TMEM132C: variants seen among roughly 807,000 people sequenced by gnomAD.
TMEM132C encodes the protein transmembrane protein 132C.
Under a neutral mutation model 61.4 loss-of-function variants are expected in TMEM132C, and 29 were observed. The ratio of observed to expected loss-of-function variants is 0.47; its 90% CI spans 0.35 to 0.64. The LOEUF is 0.64. Among genes scored for constraint, TMEM132C ranks in the 30% least tolerant of loss-of-function variants. TMEM132C has a pLI of 0.00. For missense variants in TMEM132C, 1,408 were observed against 1,476.9 expected, an observed-to-expected ratio of 0.95 and a Z score of 0.76; for synonymous variants, 656 against 633.1, an observed-to-expected ratio of 1.04 and a Z score of -0.54.
chr12:128,403,204 GA>G (rs1875229151), intron 1 of TMEM132C, among the ~76,000 whole-genome samples: 1 of 152,184 alleles, frequency 6.6e-6, no homozygotes, highest in African/African-American at 2.4e-5. Flanking sequence ...TGTGTCTGGG[GA>G]ATGTTAATAA....
intron 5 of TMEM132C, among the ~76,000 whole-genome samples, chr12:128,692,478 A>C (rs1954727299): frequency 6.6e-6 from 1 of 152,222 alleles, no homozygotes; most frequent in Non-Finnish European, 1.5e-5. Context: ...AACAGGGGTC[A>C]TATTGTTTCT....
At chr12:128,627,244 A>T (rs942916880) in intron 4 of TMEM132C, among the ~76,000 whole-genome samples, 1 of 152,110 alleles carries the variant, frequency 6.6e-6, no homozygotes, top group African/African-American at 2.4e-5. Flanking sequence ...TCATTGTCTG[A>T]CATTATCTTC....
chr12:128,358,593 G>T (rs1210894635), intron 1 of TMEM132C, among the ~76,000 whole-genome samples: 1 of 151,600 alleles, frequency 6.6e-6, no homozygotes, highest in African/African-American at 2.4e-5. Context: ...GGAGCTAAGT[G>T]TCTTGGCCAC....
chr12:128,619,435 A>T (rs1380762725), intron 4 of TMEM132C, among the ~76,000 whole-genome samples: 1 of 151,276 alleles, frequency 6.6e-6, no homozygotes, highest in Non-Finnish European at 1.5e-5. Context: ...CGTGCTCTCG[A>T]CTCTCCCCAG....
chr12:128,693,789 A>G (rs765862853), intron 5 of TMEM132C, 40 bp from the exon 6 acceptor site: 29 of 1,548,840 alleles, frequency 1.9e-5, no homozygotes, highest in South Asian at 9.5e-5. Flanking sequence ...CCAAGGCTCC[A>G]TGAACTTCTC....
chr12:128,454,849 C>A (rs1188147629), intron 2 of TMEM132C, among the ~76,000 whole-genome samples: 1 of 152,194 alleles, frequency 6.6e-6, no homozygotes, highest in Non-Finnish European at 1.5e-5. Flanking sequence ...TCTCACCTGC[C>A]CTGGTCCTGA....
intron 1 of TMEM132C, among the ~76,000 whole-genome samples, chr12:128,322,189 G>A (rs1872358185): frequency 6.6e-6 from 1 of 152,216 alleles, no homozygotes; most frequent in Admixed American, 6.5e-5. Flanking sequence ...CTTGCCCTTG[G>A]AACCCAGCCA....
chr12:128,329,660 G>A (rs566470847), intron 1 of TMEM132C, among the ~76,000 whole-genome samples: 2 of 152,218 alleles, frequency 1.3e-5, no homozygotes, highest in South Asian at 2.1e-4. Flanking sequence ...AGGTCTGGCC[G>A]TGCTGCACCT....
At chr12:128,699,030 G>A (rs536139742) in intron 8 of TMEM132C, among the ~76,000 whole-genome samples, 1 of 152,296 alleles carries the variant, frequency 6.6e-6, no homozygotes, top group East Asian at 1.9e-4. Context: ...AGGGGGGATT[G>A]GAACGTTCCA....
At chr12:128,527,147 C>T (rs61024822) in intron 2 of TMEM132C, among the ~76,000 whole-genome samples, 2,744 of 152,244 alleles carry the variant, frequency 0.018, 84 homozygotes, top group African/African-American at 0.063. Context: ...ATTCAGGGAA[C>T]TTTGTGCAAG....
chr12:128,394,088 C>T (rs1011015916), intron 1 of TMEM132C, among the ~76,000 whole-genome samples: 2 of 152,132 alleles, frequency 1.3e-5, no homozygotes, highest in Non-Finnish European at 2.9e-5. Flanking sequence ...GCCTCACAAT[C>T]GTGGGGGAAG....
In TMEM132C at chr12:128,449,136, C is replaced by CAAAAAA. The variant is rs141298455; in HGVS notation, c.974+33535_974+33540dup. On this transcript the variant is annotated intron_variant, in intron 2 of 8. Coordinates refer to ENST00000435159, the MANE Select transcript of TMEM132C (RefSeq NM_001136103.3). ...TGGGAGGCAGAGCGAGACTCTGTCT[C>CAAAAAA]AAAAAAAAAAAAAAAAAAAAAAAAG... 3.1e-3 allele frequency among the ~76,000 whole-genome samples: 158 copies of CAAAAAA among 50,718 alleles called. 3 individuals are homozygous for CAAAAAA. Among genetic ancestry groups the CAAAAAA allele is most frequent in the Non-Finnish European group, 5.4e-3 (124 of 23,122 alleles). The allele number at this position is 50,718 out of a possible 152,430, so 33.3% of individuals were successfully genotyped here. A position where few individuals can be genotyped will look rare whatever the true frequency, so the allele number is the denominator to read the frequency against.
At chr12:128,475,030 A>G (rs981949262) in intron 2 of TMEM132C, among the ~76,000 whole-genome samples, 3 of 152,140 alleles carry the variant, frequency 2.0e-5, no homozygotes, top group African/African-American at 7.2e-5. Flanking sequence ...CCGAGGCTAC[A>G]TGTGGAAGGG....
intron 2 of TMEM132C, among the ~76,000 whole-genome samples, chr12:128,425,391 C>T (rs1289459284): frequency 6.6e-6 from 1 of 152,196 alleles, no homozygotes; most frequent in Non-Finnish European, 1.5e-5. Context: ...CATGCCAGAA[C>T]CCAAGAACAT....
At chr12:128,582,823 G>A (rs1266651171) in intron 3 of TMEM132C, among the ~76,000 whole-genome samples, 4 of 152,126 alleles carry the variant, frequency 2.6e-5, no homozygotes, top group Admixed American at 2.6e-4. Context: ...ACCCAGGCTG[G>A]AGTGCAGTAG....
At chr12:128,690,426 G>A (rs1954711138) in intron 5 of TMEM132C, among the ~76,000 whole-genome samples, 1 of 152,148 alleles carries the variant, frequency 6.6e-6, no homozygotes, top group Non-Finnish European at 1.5e-5. Context: ...AGACATTTAT[G>A]ACACCTTCAG....
At chr12:128,444,634 C>A (rs1311844698) in intron 2 of TMEM132C, among the ~76,000 whole-genome samples, 1 of 152,206 alleles carries the variant, frequency 6.6e-6, no homozygotes, top group Non-Finnish European at 1.5e-5. Context: ...CAAGTCGGGC[C>A]ACATTCAGGC....
At chr12:128,529,953 AATG>A (rs2136134611) in intron 2 of TMEM132C, among the ~76,000 whole-genome samples, 1 of 152,262 alleles carries the variant, frequency 6.6e-6, no homozygotes, top group East Asian at 1.9e-4. Context: ...ATAATGGCAA[AATG>A]ATGATATTTT....
At chr12:128,537,338 T>C (rs1593091147) in intron 2 of TMEM132C, among the ~76,000 whole-genome samples, 2 of 152,156 alleles carry the variant, frequency 1.3e-5, no homozygotes, top group Admixed American at 6.5e-5. Context: ...AAATGGCTGG[T>C]TTCCGTTTAG....
Sources: allele counts gnomAD v4.1 joint callset (sites outside exome capture counted in the v4.1 genomes callset), GRCh38; gene constraint gnomAD v4.1.1; transcripts MANE v1.5; gene names NCBI Gene and HGNC (gene_info 2026-07-23, HGNC 2026-07-21).